RIOK1: variants seen among roughly 807,000 people sequenced by gnomAD.
RIOK1 encodes the protein serine/threonine-protein kinase RIO1.
RIOK1 carries 66 observed loss-of-function variants against 73.5 expected under a neutral mutation model. The observed-to-expected ratio is 0.90, with a 90% confidence interval of 0.74 to 1.10. The LOEUF (loss-of-function observed/expected upper bound fraction) is 1.10. RIOK1 is among the 50% of genes least tolerant of loss of function. The pLI, the probability that RIOK1 is intolerant of heterozygous loss-of-function variation, is 0.00. For synonymous variants in RIOK1, 224 were observed against 226.8 expected (o/e 0.99, Z 0.11); for missense variants, 658 against 699.8 (o/e 0.94, Z 0.67).
Position 7,389,844 on chromosome 6 carries a change from C to G in RIOK1, c.-159C>G, listed in dbSNP as rs6597266. ...TGGGGTGGCAGGGTGGTGGATCTGT[C>G]GGTCCCGTTTTCCCGTCGCACGTGG... On this transcript the variant is annotated 5_prime_UTR_variant, in exon 1 of 17. Transcript: ENST00000379834. The G allele has an allele frequency of 1.6e-6, 1 of 618,564 alleles. No individual in the cohort carries two copies. The highest frequency in any genetic ancestry group is 2.9e-6 in the Non-Finnish European group (1 of 344,308). 38.3% of individuals were successfully genotyped at this position (618,564 alleles called of 1,614,324 possible).
chr6:7,401,581 T>C (rs758379179), intron 6 of RIOK1, among the ~76,000 whole-genome samples: 11 of 152,108 alleles, frequency 7.2e-5, no homozygotes, highest in Non-Finnish European at 1.2e-4. Flanking sequence ...TTTTTGTTTT[T>C]TTTTTAAAGC....
chr6:7,416,981 T>C (rs1036258520), intron 16 of RIOK1, among the ~76,000 whole-genome samples: 1 of 152,320 alleles, frequency 6.6e-6, no homozygotes, highest in South Asian at 2.1e-4. Context: ...CAGTGGCTCA[T>C]GCCTGTAATC....
intron 16 of RIOK1, among the ~76,000 whole-genome samples, chr6:7,414,872 A>C (rs1761961418): frequency 6.6e-6 from 1 of 152,302 alleles, no homozygotes; most frequent in African/African-American, 2.4e-5. Flanking sequence ...CACCGTCCTA[A>C]GTAGTGTGAT....
At position 7,404,968 on chromosome 6, in the gene RIOK1, A is replaced by G. The variant is rs1027354522; in HGVS notation, c.1043A>G (p.His348Arg). The change falls in exon 11 of 17, where the codon CAC becomes CGC. Residue 348 changes from histidine (H) to arginine (R), a missense_variant. Physicochemically the swap from His to Arg is conservative, Grantham distance 29. Transcript: ENST00000379834. ...ATTGACGTGTCTCAGTCCGTGGAGC[A>G]CGACCACCCACATGCCTTGGAGTTC... Reference protein sequence around the residue: ...YIIDVSQSVEHDHPHALEFLR... With the variant: ...YIIDVSQSVERDHPHALEFLR... 5.6e-6 allele frequency: 9 copies of G among 1,614,096 alleles called. No individual in the cohort carries two copies. In the Admixed American group the frequency reaches 1.2e-4, roughly 21 times the overall value.
chr6:7,397,590 A>G (rs1761504079), intron 4 of RIOK1, among the ~76,000 whole-genome samples: 1 of 152,252 alleles, frequency 6.6e-6, no homozygotes, highest in African/African-American at 2.4e-5. Flanking sequence ...TCACTATATT[A>G]TAGAAAACGA....
intron 12 of RIOK1, among the ~76,000 whole-genome samples, 175 bp from the exon 13 acceptor site, chr6:7,410,211 T>C (rs1004643451): frequency 6.6e-6 from 1 of 152,234 alleles, no homozygotes; most frequent in Admixed American, 6.5e-5. Context: ...GCAGCCTTTT[T>C]GGTGAGGTCT....
rs779635381 is a variant in RIOK1, at chr6:7,404,013, C to T, written c.840C>T (p.Ile280=). 55 of 1,608,210 alleles carry T rather than the reference C, an allele frequency of 3.4e-5. No individual in the cohort carries two copies. The highest frequency in any genetic ancestry group is 4.5e-5 in the East Asian group (2 of 44,744). ...GTCATGTTCTTGTCATGAGTTTCAT[C>T]GGTAAAGATGACATGTAAGTACATG... ...LRSHVLVMSF[I]GKDDMPAPLL... Residue 280 remains isoleucine, a synonymous_variant, in exon 9 of 17, where the codon ATC becomes ATT. Coordinates refer to ENST00000379834, the MANE Select transcript of RIOK1 (RefSeq NM_031480.3).
chr6:7,393,172 G>A lies in RIOK1; in HGVS notation c.145G>A (p.Glu49Lys). ...TGAAGACCTTCAAGACAATGTGAAT[G>A]AGAATGGTGAAGGTGAAATAGAAGA... Reference protein sequence around the residue: ...LFEDLQDNVNENGEGEIEDEE... With the variant: ...LFEDLQDNVNKNGEGEIEDEE... Residue 49 changes from glutamate (E) to lysine (K), a missense_variant, in exon 2 of 17, where the codon GAG becomes AAG. Coordinates refer to ENST00000379834, the MANE Select transcript of RIOK1 (RefSeq NM_031480.3). 6.2e-7 allele frequency: 1 copy of A among 1,613,594 alleles called. No individual in the cohort carries two copies. The highest frequency in any genetic ancestry group is 8.5e-7 in the Non-Finnish European group (1 of 1,179,512).
At chr6:7,410,110 T>C (rs1003360636) in intron 12 of RIOK1, among the ~76,000 whole-genome samples, 2 of 152,200 alleles carry the variant, frequency 1.3e-5, no homozygotes, top group African/African-American at 2.4e-5. Context: ...ATTATTTAAA[T>C]TTAGTAAAAG....
intron 12 of RIOK1, 132 bp downstream of exon 12, chr6:7,405,487 AC>A (rs1761723053): frequency 3.7e-6 from 2 of 539,258 alleles, no homozygotes; most frequent in South Asian, 5.8e-5. Context: ...CCTTGTACTT[AC>A]CCTAGTTGAG....
At chr6:7,404,134 T>C (rs1275567075) in intron 9 of RIOK1, 107 bp downstream of exon 9, 1 of 852,258 alleles carries the variant, frequency 1.2e-6, no homozygotes, top group East Asian at 2.4e-5. Flanking sequence ...TTATTAATCT[T>C]TCCCACTATA....
chr6:7,412,644 TC>T (rs1484934097), intron 14 of RIOK1, among the ~76,000 whole-genome samples: 1 of 125,512 alleles, frequency 8.0e-6, no homozygotes, highest in Non-Finnish European at 1.8e-5. Context: ...AAAGCAAGAC[TC>T]CGTCTCAAAA....
chr6:7,400,009 GT>G (rs1344546109), intron 5 of RIOK1, among the ~76,000 whole-genome samples: 5 of 152,212 alleles, frequency 3.3e-5, no homozygotes, highest in African/African-American at 7.2e-5. Flanking sequence ...GCCACAAGGA[GT>G]TATTGGTTGG....
chr6:7,390,326 T>C (rs559360645), intron 1 of RIOK1, among the ~76,000 whole-genome samples: 80 of 152,300 alleles, frequency 5.3e-4, no homozygotes, highest in African/African-American at 1.8e-3. Context: ...GAGGCAGAGT[T>C]GGGGATAGCG....
intron 12 of RIOK1, among the ~76,000 whole-genome samples, chr6:7,409,226 TGTGTG>T (rs1357126589): frequency 5.2e-5 from 7 of 133,486 alleles, no homozygotes; most frequent in Non-Finnish European, 7.8e-5. Flanking sequence ...TGTGTGTGTG[TGTGTG>T]TGTGTGTGTG....
chr6:7,392,964 C>A (rs191577330), intron 1 of RIOK1, 135 bp from the exon 2 acceptor site: 4 of 1,322,298 alleles, frequency 3.0e-6, no homozygotes, highest in Non-Finnish European at 3.9e-6. Context: ...TGGAGCTTAT[C>A]GGAAGGTGTA....
At position 7,395,194 on chromosome 6, in the gene RIOK1, A is replaced by C. The variant is rs747540263; in HGVS notation, c.367+51A>C. On this transcript the variant is annotated intron_variant, in intron 3 of 16. Coordinates refer to ENST00000379834, the MANE Select transcript of RIOK1 (RefSeq NM_031480.3). ...GCTAAGAGGACATTTTTCAAAAACC[A>C]TGGAGTGTTGTATAATTTTATTAGA... is the stretch of plus-strand genomic sequence containing the variant. 1.7e-5 allele frequency: 26 copies of C among 1,560,242 alleles called. No homozygotes were observed. The Admixed American group carries it at 3.9e-4, about 23-fold the overall frequency.
intron 3 of RIOK1, 73 bp from the exon 4 acceptor site, chr6:7,396,630 A>G: frequency 1.2e-6 from 1 of 807,316 alleles, no homozygotes; most frequent in Non-Finnish European, 2.1e-6. Flanking sequence ...GGGGAGAAAT[A>G]CCCTGTTCAG....
rs767268557 is a variant in RIOK1, at chr6:7,404,548, A to G, written c.985A>G (p.Asn329Asp). 1.2e-6 allele frequency: 2 copies of G among 1,614,038 alleles called. No individual in the cohort carries two copies. The highest frequency in any genetic ancestry group is 1.7e-6 in the Non-Finnish European group (2 of 1,179,952). Reference sequence around the variant, plus strand: ...TGTCCATGCAGATCTCAGTGAATTTAACATGCTGTGAGTGTATTTTGTCTC... The same window carrying G: ...TGTCCATGCAGATCTCAGTGAATTTGACATGCTGTGAGTGTATTTTGTCTC... The part of the protein sequence containing the change: ...RLVHADLSEF[N>D]MLYHGGGVYI... The change falls in exon 10 of 17, where the codon AAC becomes GAC. Residue 329 changes from asparagine to aspartate, a missense_variant. Transcript: ENST00000379834.
Sources: allele counts gnomAD v4.1 joint callset (sites outside exome capture counted in the v4.1 genomes callset), GRCh38; gene constraint gnomAD v4.1.1; transcripts MANE v1.5; gene names NCBI Gene and HGNC (gene_info 2026-07-23, HGNC 2026-07-21).